Variants in FHIT observed in about 807,000 individuals in gnomAD.
FHIT encodes fragile histidine triad diadenosine triphosphatase.
FHIT carries 19 observed loss-of-function variants against 17.9 expected under a neutral mutation model. The ratio of observed to expected loss-of-function variants is 1.06; its 90% CI spans 0.74 to 1.56. The LOEUF (loss-of-function observed/expected upper bound fraction) is 1.56. Among genes scored for constraint, FHIT ranks in the 40% most tolerant of loss-of-function variants. FHIT has a pLI of 0.00. For missense variants in FHIT, 248 were observed against 189.2 expected (o/e 1.31, Z -1.82); for synonymous variants, 81 against 69.7 (o/e 1.16, Z -0.81).
At chr3:59,831,225 T>C (rs2106704254) in intron 8 of FHIT, among the ~76,000 whole-genome samples, 1 of 152,270 alleles carries the variant, frequency 6.6e-6, no homozygotes, top group East Asian at 1.9e-4. Context: ...GAAGTATTAG[T>C]GATACATTAT....
intron 5 of FHIT, among the ~76,000 whole-genome samples, chr3:60,202,370 A>T (rs745991695): frequency 6.6e-6 from 1 of 152,204 alleles, no homozygotes; most frequent in Non-Finnish European, 1.5e-5. Context: ...TGCTTCCTCC[A>T]CATTTTCCTG....
chr3:60,157,623 T>C (rs1042145074), intron 5 of FHIT, among the ~76,000 whole-genome samples: 1 of 152,198 alleles, frequency 6.6e-6, no homozygotes, highest in African/African-American at 2.4e-5. Context: ...CTGAGCTGTT[T>C]AGCCTGGAGA....
chr3:60,518,514 T>C (rs1456549653), intron 5 of FHIT, among the ~76,000 whole-genome samples: 3 of 152,240 alleles, frequency 2.0e-5, no homozygotes, highest in Admixed American at 1.3e-4. Context: ...AGTGCTAGTA[T>C]ACAATAACTT....
chr3:61,208,171 T>C (rs935278964), intron 1 of FHIT, among the ~76,000 whole-genome samples: 43 of 152,332 alleles, frequency 2.8e-4, no homozygotes, highest in Non-Finnish European at 5.7e-4. Context: ...TGCACTGTGG[T>C]CTGAGAGACA....
intron 5 of FHIT, among the ~76,000 whole-genome samples, chr3:60,308,346 C>A (rs1022302892): frequency 6.6e-6 from 1 of 151,892 alleles, no homozygotes; most frequent in African/African-American, 2.4e-5. Context: ...CACTATTGGG[C>A]CTGACTTTCT....
chr3:60,352,612 C>T (rs919322228), intron 5 of FHIT, among the ~76,000 whole-genome samples: 4 of 152,092 alleles, frequency 2.6e-5, no homozygotes, highest in Admixed American at 6.6e-5. Flanking sequence ...TGTGATCCTC[C>T]GGCCTCAGGC....
intron 8 of FHIT, among the ~76,000 whole-genome samples, chr3:59,832,430 ATCCAGCCACATTG>A (rs1315101456): frequency 1.3e-5 from 2 of 152,080 alleles, no homozygotes; most frequent in Non-Finnish European, 2.9e-5. Flanking sequence ...TATCTGTAAC[ATCCAGCCACATTG>A]TCTGGCTTGG....
chr3:60,999,776 C>A (rs1375833068), intron 3 of FHIT, among the ~76,000 whole-genome samples: 1 of 151,942 alleles, frequency 6.6e-6, no homozygotes, highest in East Asian at 1.9e-4. Context: ...AGATGGGGTG[C>A]CTTAGCGCAT....
At chr3:60,389,161 C>A (rs1195331266) in intron 5 of FHIT, among the ~76,000 whole-genome samples, 2 of 152,202 alleles carry the variant, frequency 1.3e-5, no homozygotes, top group African/African-American at 4.8e-5. Context: ...CTCTGCACCA[C>A]TTGGGAGTGT....
intron 3 of FHIT, among the ~76,000 whole-genome samples, chr3:60,945,062 G>A (rs1167866729): frequency 2.6e-5 from 4 of 152,132 alleles, no homozygotes; most frequent in African/African-American, 4.8e-5. Flanking sequence ...ACGAAGCAGG[G>A]CAAAGAGATG....
intron 4 of FHIT, among the ~76,000 whole-genome samples, chr3:60,731,584 C>T (rs189952257): frequency 2.4e-4 from 37 of 152,124 alleles, no homozygotes; most frequent in African/African-American, 8.2e-4. Flanking sequence ...GTATGCATAC[C>T]CACTTGAGGC....
chr3:59,968,941 A>T (rs1191454214), intron 7 of FHIT, among the ~76,000 whole-genome samples: 1 of 152,152 alleles, frequency 6.6e-6, no homozygotes, highest in Non-Finnish European at 1.5e-5. Context: ...TTTCCCACAC[A>T]TTCTTCACTA....
At chr3:60,763,244 A>T (rs946283986) in intron 4 of FHIT, among the ~76,000 whole-genome samples, 4 of 152,236 alleles carry the variant, frequency 2.6e-5, no homozygotes, top group Non-Finnish European at 4.4e-5. Context: ...GATCATTATC[A>T]TGGTGGGCTC....
At chr3:59,755,625 G>T (rs560233538) in intron 8 of FHIT, among the ~76,000 whole-genome samples, 1 of 152,198 alleles carries the variant, frequency 6.6e-6, no homozygotes. Flanking sequence ...CAGTTGCTCT[G>T]TCTCTGTAAT....
intron 8 of FHIT, among the ~76,000 whole-genome samples, chr3:59,782,934 T>G (rs1156843087): frequency 6.6e-6 from 1 of 152,170 alleles, no homozygotes; most frequent in Non-Finnish European, 1.5e-5. Context: ...ACACTTGCTG[T>G]GGTACCATGG....
At chr3:60,669,819 G>A (rs2040470004) in intron 4 of FHIT, among the ~76,000 whole-genome samples, 1 of 152,146 alleles carries the variant, frequency 6.6e-6, no homozygotes. Context: ...AGCAGGAAGA[G>A]ACCCTGGGCA....
chr3:61,207,300 C>T (rs1425907314), intron 1 of FHIT, among the ~76,000 whole-genome samples: 1 of 152,098 alleles, frequency 6.6e-6, no homozygotes, highest in African/African-American at 2.4e-5. Context: ...TGTGTCTCTG[C>T]CCAGCTTTGG....
At chr3:60,479,943 T>C (rs1366408733) in intron 5 of FHIT, among the ~76,000 whole-genome samples, 1 of 152,210 alleles carries the variant, frequency 6.6e-6, no homozygotes, top group Non-Finnish European at 1.5e-5. Flanking sequence ...AAGTACATAA[T>C]ACTTGATAAT....
chr3:61,087,086 C>A (rs1280200608), intron 2 of FHIT, among the ~76,000 whole-genome samples: 1 of 152,126 alleles, frequency 6.6e-6, no homozygotes, highest in Non-Finnish European at 1.5e-5. Flanking sequence ...TCACTTTTGT[C>A]AATCCATCTC....
Sources: gnomAD v4.1 joint callset for allele counts (sites outside exome capture counted in the v4.1 genomes callset) on GRCh38, gnomAD v4.1.1 for gene constraint, MANE v1.5 for transcripts, NCBI Gene and HGNC (gene_info 2026-07-23, HGNC 2026-07-21) for gene names.